Variants in ANKRD44 observed in about 807,000 individuals in gnomAD.
The protein encoded by ANKRD44 is ankyrin repeat domain 44, also known as serine/threonine-protein phosphatase 6 regulatory ankyrin repeat subunit B.
ANKRD44 carries 35 observed loss-of-function variants against 116.0 expected under a neutral mutation model. The ratio of observed to expected loss-of-function variants is 0.30; its 90% CI spans 0.23 to 0.40. The LOEUF is 0.40. Ranked by LOEUF, ANKRD44 falls within the 10% of genes least tolerant of loss-of-function variation. The pLI is 1.00. For missense variants in ANKRD44, 1,014 were observed against 1,242.6 expected, an observed-to-expected ratio of 0.82 and a Z score of 2.77; for synonymous variants, 435 against 461.8, an observed-to-expected ratio of 0.94 and a Z score of 0.74.
At chr2:197,070,158 T>G (rs2077528456) in intron 16 of ANKRD44, among the ~76,000 whole-genome samples, 1 of 152,174 alleles carries the variant, frequency 6.6e-6, no homozygotes, top group African/African-American at 2.4e-5. Flanking sequence ...CTGGGGATTT[T>G]CTATGTAGAC....
intron 16 of ANKRD44, among the ~76,000 whole-genome samples, chr2:197,032,317 C>T (rs1466494029): frequency 6.6e-6 from 1 of 151,644 alleles, no homozygotes; most frequent in Non-Finnish European, 1.5e-5. Flanking sequence ...GATTTCTAAA[C>T]TGTGAATTAA....
At chr2:197,020,983 T>C (rs1450154006) in intron 17 of ANKRD44, among the ~76,000 whole-genome samples, 1 of 152,104 alleles carries the variant, frequency 6.6e-6, no homozygotes, top group Non-Finnish European at 1.5e-5. Flanking sequence ...GTGTGTGATG[T>C]TCCCTGCCCT....
intron 7 of ANKRD44, 90 bp downstream of exon 7, chr2:197,122,560 T>C: frequency 6.7e-7 from 1 of 1,483,970 alleles, no homozygotes; most frequent in Non-Finnish European, 9.0e-7. Context: ...CCCCTGCCCT[T>C]GAATTAAAGT....
At chr2:197,103,876 G>A (rs183066226) in intron 9 of ANKRD44, among the ~76,000 whole-genome samples, 14 of 152,032 alleles carry the variant, frequency 9.2e-5, no homozygotes, top group African/African-American at 1.2e-4. Context: ...TTGAGTTCCC[G>A]GTGTAGAAAA....
At chr2:197,126,641 T>A (rs1038206220) in intron 4 of ANKRD44, among the ~76,000 whole-genome samples, 1 of 151,976 alleles carries the variant, frequency 6.6e-6, no homozygotes, top group Non-Finnish European at 1.5e-5. Context: ...CTCCCTAACC[T>A]CTTGATCTAT....
chr2:197,081,849 A>G (rs1444790622), intron 14 of ANKRD44, 124 bp from the exon 15 acceptor site: 1 of 710,572 alleles, frequency 1.4e-6, no homozygotes, highest in East Asian at 2.6e-5. Context: ...AGTAAGCACC[A>G]CTGATTTTCA....
intron 21 of ANKRD44, among the ~76,000 whole-genome samples, chr2:196,975,809 AAAAGAAAGAAAGAAAGAAAG>A (rs139764360): frequency 2.2e-5 from 3 of 136,478 alleles, no homozygotes; most frequent in Non-Finnish European, 4.6e-5. Context: ...AGAAAAAGAA[AAAAGAAAGAAAGAAAGAAAG>A]AAAGAAAGAA....
chr2:197,019,059 T>C (rs2076445647), intron 17 of ANKRD44, among the ~76,000 whole-genome samples: 1 of 152,210 alleles, frequency 6.6e-6, no homozygotes, highest in South Asian at 2.1e-4. Flanking sequence ...CCAGACAAAA[T>C]TCTCTTGTCT....
chr2:197,009,206 C>T (rs1162825398), intron 18 of ANKRD44, among the ~76,000 whole-genome samples, 175 bp from the exon 19 acceptor site: 1 of 152,178 alleles, frequency 6.6e-6, no homozygotes, highest in Admixed American at 6.5e-5. Context: ...ATTCTCCTGC[C>T]TCAGCCTCCT....
chr2:197,172,832 T>C (rs1186577530), intron 2 of ANKRD44, among the ~76,000 whole-genome samples: 1 of 152,106 alleles, frequency 6.6e-6, no homozygotes, highest in Admixed American at 6.5e-5. Flanking sequence ...TCCCAAACTG[T>C]TGGGATTACA....
rs1300055155 is a variant in ANKRD44, at chr2:196,988,633, AT to A, written c.*957del. ...TTTGATCCAGATATGATAGAACATTATTTTTGAAATATCTCACATACACTAT... is the reference window on the plus strand; with the variant it reads ...TTTGATCCAGATATGATAGAACATTATTTTGAAATATCTCACATACACTAT... On this transcript the variant is annotated 3_prime_UTR_variant, in exon 28 of 28. Coordinates refer to ENST00000282272, the MANE Select transcript of ANKRD44 (RefSeq NM_001195144.2). 1.0e-6 allele frequency: 1 copy of A among 984,980 alleles called. No homozygotes were observed. The highest frequency in any genetic ancestry group is 1.2e-6 in the Non-Finnish European group (1 of 829,624). 61.0% of individuals were successfully genotyped at this position (984,980 alleles called of 1,614,324 possible). A position where few individuals can be genotyped will look rare whatever the true frequency, so the allele number is the denominator to read the frequency against.
intron 2 of ANKRD44, among the ~76,000 whole-genome samples, chr2:197,176,753 T>C (rs552797228): frequency 6.6e-6 from 1 of 152,262 alleles, no homozygotes; most frequent in South Asian, 2.1e-4. Context: ...TATCCTACAC[T>C]GCCAGAAATA....
In ANKRD44 at chr2:197,099,869, G is replaced by GTT; in HGVS notation, c.1046_1047insAA (p.Tyr349Ter). 6.2e-7 allele frequency: 1 copy of GTT among 1,614,110 alleles called. No individual in the cohort carries two copies. Among genetic ancestry groups the GTT allele is most frequent in the Non-Finnish European group, 8.5e-7 (1 of 1,180,006 alleles). Residue 349 changes from tyrosine (Y) to a stop codon, truncating the protein, a stop_gained and frameshift_variant, in exon 10 of 28, where the codon TAC becomes TAAAC. Transcript: ENST00000282272. LOFTEE classifies it high-confidence loss of function. The part of the protein sequence containing the change: ...GNTPLHVAAR[Y>*]GHELLINTLI... ...AGGTGTTAATCAAAAGCTCATGACC[G>GTT]TATCTTGCAGCCACATGGAGAGGAG...
intron 1 of ANKRD44, among the ~76,000 whole-genome samples, chr2:197,268,849 A>G (rs2082810225): frequency 6.6e-6 from 1 of 152,080 alleles, no homozygotes; most frequent in African/African-American, 2.4e-5. Flanking sequence ...CCTCCCTAAC[A>G]CTGGGGAAAT....
intron 16 of ANKRD44, among the ~76,000 whole-genome samples, chr2:197,034,083 A>AGAGAGC (rs1410716481): frequency 6.6e-6 from 1 of 151,732 alleles, no homozygotes; most frequent in Non-Finnish European, 1.5e-5. Flanking sequence ...AGAGAGAGAG[A>AGAGAGC]GAGCTCATAC....
At chr2:197,057,092 A>C (rs948878542) in intron 16 of ANKRD44, among the ~76,000 whole-genome samples, 1 of 152,232 alleles carries the variant, frequency 6.6e-6, no homozygotes, top group Admixed American at 6.5e-5. Context: ...ATAAGGAAAA[A>C]AAGCTTTTAA....
intron 8 of ANKRD44, among the ~76,000 whole-genome samples, chr2:197,111,154 CAT>C (rs1248660521): frequency 3.3e-5 from 5 of 152,176 alleles, no homozygotes; most frequent in East Asian, 3.8e-4. Flanking sequence ...CATAACATCA[CAT>C]GTTTTAAAAG....
At chr2:197,238,952 G>A (rs367990147) in intron 1 of ANKRD44, among the ~76,000 whole-genome samples, 2 of 152,138 alleles carry the variant, frequency 1.3e-5, no homozygotes, top group African/African-American at 4.8e-5. Flanking sequence ...TGATCTGCTC[G>A]TCCTGGCCCC....
At chr2:197,031,943 C>T (rs1185168717) in intron 16 of ANKRD44, among the ~76,000 whole-genome samples, 1 of 152,090 alleles carries the variant, frequency 6.6e-6, no homozygotes, top group African/African-American at 2.4e-5. Flanking sequence ...GGCTAGAAAA[C>T]AGCTGTTCTT....
Sources: gnomAD v4.1 joint callset for allele counts (sites outside exome capture counted in the v4.1 genomes callset) on GRCh38, gnomAD v4.1.1 for gene constraint, MANE v1.5 for transcripts, NCBI Gene and HGNC (gene_info 2026-07-23, HGNC 2026-07-21) for gene names.